KLF8: variants seen among roughly 807,000 people sequenced by gnomAD.
KLF8 encodes KLF transcription factor 8.
KLF8 carries 10 observed loss-of-function variants against 18.2 expected under a neutral mutation model. The observed-to-expected ratio is 0.55, with a 90% CI of 0.34 to 0.93. KLF8 has a LOEUF of 0.93. Among genes scored for constraint, KLF8 ranks in the 40% least tolerant of loss-of-function variants. KLF8 has a pLI of 0.02. For missense variants in KLF8, 264 were observed against 277.9 expected (o/e 0.95, Z 0.36); for synonymous variants, 109 against 97.3 (o/e 1.12, Z -0.71).
chrX:56,148,086 T>G, the KLF8 span, among the ~76,000 whole-genome samples: 3 of 112,200 alleles, frequency 2.7e-5, no homozygotes, highest in African/African-American at 9.7e-5. Context: ...TATGTGAATT[T>G]TACCTCAATA....
Position 56,289,231 on chromosome X carries a change from T to A in KLF8, c.*4737T>A, listed in dbSNP as rs1362979715. 9.0e-6 allele frequency among the ~76,000 whole-genome samples: 1 copy of A among 111,617 alleles called. No homozygotes were observed. The highest frequency in any genetic ancestry group is 1.9e-5 in the Non-Finnish European group (1 of 53,184). ...GGCCATTGGGAGCTCTTTTGGGTGATTCTCAAGTTCTTTTGACACACCCCC... is the reference window on the plus strand; with the variant it reads ...GGCCATTGGGAGCTCTTTTGGGTGAATCTCAAGTTCTTTTGACACACCCCC... On this transcript the variant is annotated 3_prime_UTR_variant, in exon 6 of 6. Coordinates refer to ENST00000468660, the MANE Select transcript of KLF8 (RefSeq NM_007250.5).
chrX:55,968,086 G>T, the KLF8 span, among the ~76,000 whole-genome samples: 1 of 110,790 alleles, frequency 9.0e-6, no homozygotes, highest in Non-Finnish European at 1.9e-5. Flanking sequence ...AATCAGCAAA[G>T]AAACATTGGG....
chrX:56,236,844 AT>A (rs2066480934), intron 1 of KLF8, among the ~76,000 whole-genome samples: 1 of 92,846 alleles, frequency 1.1e-5, no homozygotes, highest in East Asian at 3.0e-4. Flanking sequence ...AGCAATGAGT[AT>A]GTTTGTGTGT....
the KLF8 span, among the ~76,000 whole-genome samples, chrX:56,220,167 A>G: frequency 8.9e-5 from 10 of 112,649 alleles, no homozygotes; most frequent in African/African-American, 2.6e-4. Context: ...TAACACCTGT[A>G]GAGCAATAAT....
chrX:56,058,744 T>C, the KLF8 span, among the ~76,000 whole-genome samples: 1 of 111,341 alleles, frequency 9.0e-6, no homozygotes, highest in Admixed American at 9.6e-5. Context: ...CTTTATCCAG[T>C]CTATCATTGA....
intron 2 of KLF8, among the ~76,000 whole-genome samples, chrX:56,263,939 C>T (rs746655605): frequency 2.0e-4 from 23 of 112,220 alleles, no homozygotes; most frequent in Non-Finnish European, 4.3e-4. Flanking sequence ...TCATTGAACT[C>T]TACCTTTCCT....
the KLF8 span, among the ~76,000 whole-genome samples, chrX:56,185,672 T>A: frequency 8.9e-6 from 1 of 111,854 alleles, no homozygotes; most frequent in Non-Finnish European, 1.9e-5. Context: ...TAATAGCGAA[T>A]CTCTCGGCAG....
the KLF8 span, among the ~76,000 whole-genome samples, chrX:56,015,669 A>C: frequency 7.1e-5 from 8 of 112,103 alleles, no homozygotes; most frequent in African/African-American, 2.3e-4. Context: ...GGTTCAAGCA[A>C]GGTAAAAACC....
chrX:55,941,865 C>T, the KLF8 span, among the ~76,000 whole-genome samples: 1 of 111,684 alleles, frequency 9.0e-6, no homozygotes, highest in Non-Finnish European at 1.9e-5. Context: ...AGTCAGAAAA[C>T]AACAGGTGCT....
the KLF8 span, among the ~76,000 whole-genome samples, chrX:56,183,612 G>A: frequency 1.6e-4 from 18 of 110,749 alleles, no homozygotes; most frequent in Non-Finnish European, 2.8e-4. Context: ...CCACAATATA[G>A]TATTTACAGG....
At chrX:56,173,815 A>G in the KLF8 span, among the ~76,000 whole-genome samples, 1 of 111,532 alleles carries the variant, frequency 9.0e-6, no homozygotes, top group Non-Finnish European at 1.9e-5. Flanking sequence ...GGTCCTTCAC[A>G]TCCCTTGTAA....
chrX:56,287,747 C>A lies in KLF8; in HGVS notation c.*3253C>A, dbSNP rs1417846652. 1 of 111,815 alleles carries A rather than the reference C, an allele frequency of 8.9e-6. No individual in the cohort carries two copies. Among genetic ancestry groups the A allele is most frequent in the Admixed American group, 9.5e-5 (1 of 10,528 alleles). 9.2% of individuals were successfully genotyped at this position (111,815 alleles called of 1,213,427 possible). On this transcript the variant is annotated 3_prime_UTR_variant, in exon 6 of 6. Coordinates refer to ENST00000468660, the MANE Select transcript of KLF8 (RefSeq NM_007250.5). The stretch of plus-strand genomic sequence containing the variant: ...TAAACTTTTTATTTTCAAACAGTTT[C>A]AGTTTTACAGAAAAAATGTGAAGCT...
At chrX:56,054,084 A>G in the KLF8 span, among the ~76,000 whole-genome samples, 1 of 109,674 alleles carries the variant, frequency 9.1e-6, no homozygotes, top group African/African-American at 3.3e-5. Flanking sequence ...TCTAGTTGTG[A>G]TGTTAAGTTG....
chrX:56,191,755 T>C, the KLF8 span, among the ~76,000 whole-genome samples: 1 of 111,326 alleles, frequency 9.0e-6, no homozygotes, highest in East Asian at 2.8e-4. Flanking sequence ...ATGCTAAAAA[T>C]GCATTTAATA....
chrX:55,944,618 T>C, the KLF8 span, among the ~76,000 whole-genome samples: 1 of 111,863 alleles, frequency 8.9e-6, no homozygotes, highest in South Asian at 3.7e-4. Flanking sequence ...TTTATTTGCG[T>C]AGAGGTGTTT....
chrX:55,949,448 G>A, the KLF8 span, among the ~76,000 whole-genome samples: 1 of 109,231 alleles, frequency 9.2e-6, no homozygotes, highest in Non-Finnish European at 1.9e-5. Flanking sequence ...AATTGGGAAG[G>A]GGTAGGTTTC....
the KLF8 span, among the ~76,000 whole-genome samples, chrX:56,052,555 G>T: frequency 8.9e-6 from 1 of 111,771 alleles, no homozygotes; most frequent in Admixed American, 9.5e-5. Context: ...CCCCTGCTGG[G>T]GGGTGCGTCC....
chrX:56,070,922 G>C, the KLF8 span, among the ~76,000 whole-genome samples: 2 of 112,370 alleles, frequency 1.8e-5, no homozygotes, highest in African/African-American at 6.5e-5. Flanking sequence ...GGCACAGACT[G>C]TATTGGGAAT....
At chrX:56,263,757 T>G (rs1337209567) in intron 2 of KLF8, among the ~76,000 whole-genome samples, 1 of 112,281 alleles carries the variant, frequency 8.9e-6, no homozygotes, top group African/African-American at 3.2e-5. Context: ...TACTCAAATA[T>G]TTTTACATGT....
Sources: gnomAD v4.1 joint callset for allele counts (sites outside exome capture counted in the v4.1 genomes callset) on GRCh38, gnomAD v4.1.1 for gene constraint, MANE v1.5 for transcripts, NCBI Gene and HGNC (gene_info 2026-07-23, HGNC 2026-07-21) for gene names.